SLC10A7: variants seen among roughly 807,000 people sequenced by gnomAD.
SLC10A7 encodes solute carrier family 10 member 7.
In SLC10A7, 29 loss-of-function variants were observed where a neutral mutation model predicts 43.2. The observed-to-expected ratio is 0.67, with a 90% CI of 0.50 to 0.92. SLC10A7 has a LOEUF of 0.92. SLC10A7 is among the 40% of genes least tolerant of loss of function. The pLI is 0.00. For synonymous variants in SLC10A7, 152 were observed against 144.8 expected (o/e 1.05, Z -0.35); for missense variants, 295 against 403.2 (o/e 0.73, Z 2.30).
intron 5 of SLC10A7, among the ~76,000 whole-genome samples, chr4:146,422,163 T>C (rs548130432): frequency 6.6e-6 from 1 of 152,306 alleles, no homozygotes; most frequent in Admixed American, 6.5e-5. Context: ...CAAGATCTAA[T>C]TTATCTTTGA....
intron 9 of SLC10A7, among the ~76,000 whole-genome samples, chr4:146,287,196 G>GACT (rs1282310206): frequency 6.6e-6 from 1 of 152,072 alleles, no homozygotes; most frequent in Non-Finnish European, 1.5e-5. Context: ...TGGTGAGAAC[G>GACT]ACTGAGTTTG....
chr4:146,280,549 A>G (rs1160589851), intron 10 of SLC10A7, among the ~76,000 whole-genome samples: 1 of 152,202 alleles, frequency 6.6e-6, no homozygotes, highest in Non-Finnish European at 1.5e-5. Context: ...CAAACAAAAA[A>G]GAATTTCCAT....
At chr4:146,421,217 A>G (rs1728941961) in intron 5 of SLC10A7, among the ~76,000 whole-genome samples, 1 of 152,174 alleles carries the variant, frequency 6.6e-6, no homozygotes, top group African/African-American at 2.4e-5. Context: ...AAAACTTGGT[A>G]GAGACTCCTC....
At chr4:146,507,880 G>A (rs1211163635) in intron 3 of SLC10A7, among the ~76,000 whole-genome samples, 3 of 152,218 alleles carry the variant, frequency 2.0e-5, no homozygotes, top group African/African-American at 7.2e-5. Context: ...TTCTCTAAGT[G>A]AATTACGGTA....
At chr4:146,288,695 AATT>A (rs1418883582) in intron 9 of SLC10A7, among the ~76,000 whole-genome samples, 3 of 152,154 alleles carry the variant, frequency 2.0e-5, no homozygotes, top group African/African-American at 7.2e-5. Flanking sequence ...TAATGACTAA[AATT>A]ATTCTCACTG....
At chr4:146,470,965 G>A (rs1328089775) in intron 4 of SLC10A7, among the ~76,000 whole-genome samples, 1 of 152,152 alleles carries the variant, frequency 6.6e-6, no homozygotes, top group African/African-American at 2.4e-5. Flanking sequence ...TAAAAAACAT[G>A]AGATGTATTT....
chr4:146,372,831 TG>T (rs1310089924), intron 5 of SLC10A7, among the ~76,000 whole-genome samples: 1 of 152,206 alleles, frequency 6.6e-6, no homozygotes, highest in Non-Finnish European at 1.5e-5. Context: ...TTAAATAAGT[TG>T]TTTAGCCATT....
chr4:146,291,540 T>C (rs1197820365), intron 9 of SLC10A7, among the ~76,000 whole-genome samples: 1 of 152,244 alleles, frequency 6.6e-6, no homozygotes, highest in African/African-American at 2.4e-5. Flanking sequence ...TCATTGCTAT[T>C]GCCTGGTGTT....
chr4:146,496,313 T>C (rs1735895725), intron 4 of SLC10A7, among the ~76,000 whole-genome samples: 1 of 152,126 alleles, frequency 6.6e-6, no homozygotes, highest in Non-Finnish European at 1.5e-5. Flanking sequence ...TAAAGCATGG[T>C]GTCTTGGCAT....
At chr4:146,375,694 A>G (rs1737144670) in intron 5 of SLC10A7, among the ~76,000 whole-genome samples, 1 of 151,850 alleles carries the variant, frequency 6.6e-6, no homozygotes. Flanking sequence ...GCTAAGAAAA[A>G]CCCTAGTGTT....
At position 146,258,700 on chromosome 4, in the gene SLC10A7, T is replaced by C. The variant is rs777776662; in HGVS notation, c.985A>G (p.Arg329Gly). ...VPTIKSWMVS[R>G]QKGVKLTRPT... ...TCTTTCTGGGGACTCACCTTCTGCC[T>C]TGATACCATCCAAGACTTGATTGTT... Residue 329 changes from arginine (R) to glycine (G), a missense_variant, in exon 11 of 12, where the codon AGG becomes GGG. Arg to Gly is a moderately radical substitution (Grantham distance 125). This residue lies in a region of SLC10A7 where 242 missense variants were observed against 362.5 expected (regional missense o/e 0.67). Transcript: ENST00000335472. 6.3e-7 allele frequency: 1 copy of C among 1,589,768 alleles called. No individual in the cohort carries two copies. Among genetic ancestry groups the C allele is most frequent in the South Asian group, 1.2e-5 (1 of 85,600 alleles).
At chr4:146,305,226 CATGG>C (rs1422053791) in intron 7 of SLC10A7, among the ~76,000 whole-genome samples, 1 of 150,646 alleles carries the variant, frequency 6.6e-6, no homozygotes, top group Non-Finnish European at 1.5e-5. Context: ...ACATATACAC[CATGG>C]AATACTATGC....
chr4:146,309,047 T>A (rs1019291308), intron 6 of SLC10A7, among the ~76,000 whole-genome samples: 1 of 152,136 alleles, frequency 6.6e-6, no homozygotes, highest in Non-Finnish European at 1.5e-5. Context: ...TGTGCACGCC[T>A]GTCCATCGCC....
chr4:146,419,996 A>G (rs1048751017), intron 5 of SLC10A7, among the ~76,000 whole-genome samples: 6 of 152,216 alleles, frequency 3.9e-5, no homozygotes, highest in African/African-American at 1.4e-4. Context: ...ATAAAAATGT[A>G]ATGTTACAAA....
Position 146,394,628 on chromosome 4 carries a change from C to T in SLC10A7, c.435+48155G>A, listed in dbSNP as rs542938180. The stretch of plus-strand genomic sequence containing the variant: ...TCATCCGCCTCGGCCTCCCAAAGTG[C>T]TAGGATTACAAACCTGAACCACCGT... On this transcript the variant is annotated intron_variant, in intron 5 of 11. Transcript: ENST00000335472. 1.2e-4 allele frequency among the ~76,000 whole-genome samples: 19 copies of T among 152,242 alleles called. No homozygotes were observed. The South Asian group carries it at 3.9e-3, about 32-fold the overall frequency.
At chr4:146,324,855 A>T (rs1287873475) in intron 6 of SLC10A7, among the ~76,000 whole-genome samples, 1 of 152,186 alleles carries the variant, frequency 6.6e-6, no homozygotes, top group African/African-American at 2.4e-5. Context: ...TGTTATGCTG[A>T]GGAAAGTGAT....
intron 10 of SLC10A7, among the ~76,000 whole-genome samples, chr4:146,263,713 G>GC (rs765556564): frequency 3.3e-5 from 5 of 152,162 alleles, no homozygotes; most frequent in Admixed American, 6.5e-5. Flanking sequence ...CACTATGCAC[G>GC]CATTTACAAT....
At chr4:146,429,185 C>T (rs1365173243) in intron 5 of SLC10A7, among the ~76,000 whole-genome samples, 1 of 151,990 alleles carries the variant, frequency 6.6e-6, no homozygotes, top group Non-Finnish European at 1.5e-5. Flanking sequence ...AATTTAAAAT[C>T]ATTTTAATGT....
intron 5 of SLC10A7, 140 bp from the exon 6 acceptor site, chr4:146,326,136 G>A: frequency 1.5e-6 from 1 of 663,356 alleles, no homozygotes; most frequent in Non-Finnish European, 2.6e-6. Flanking sequence ...AGAGGGGAGA[G>A]TCCCAATCTT....
Sources: allele counts gnomAD v4.1 joint callset (sites outside exome capture counted in the v4.1 genomes callset), GRCh38; gene constraint gnomAD v4.1.1; regional missense constraint gnomAD v4.1.1; transcripts MANE v1.5; gene names NCBI Gene and HGNC (gene_info 2026-07-23, HGNC 2026-07-21).